The following MARCHF3 variants were observed in gnomAD, a reference collection of about 807,000 sequenced individuals.
MARCHF3 encodes E3 ubiquitin-protein ligase MARCHF3.
A neutral mutation model predicts 24.2 loss-of-function variants in MARCHF3; 13 were observed. That is an observed-to-expected ratio of 0.54 (90% CI 0.35 to 0.85). The LOEUF (loss-of-function observed/expected upper bound fraction) is 0.85. Ranked by LOEUF, MARCHF3 falls within the 40% of genes least tolerant of loss-of-function variation. The probability of loss-of-function intolerance (pLI) is 0.01; values close to 1 mark genes in which losing one functional copy is unlikely to be tolerated. For synonymous variants in MARCHF3, 144 were observed against 137.3 expected (o/e 1.05, Z -0.34); for missense variants, 276 against 325.0 (o/e 0.85, Z 1.16).
chr5:126,941,329 A>C (rs1749819607), intron 1 of MARCHF3, among the ~76,000 whole-genome samples: 1 of 152,180 alleles, frequency 6.6e-6, no homozygotes, highest in African/African-American at 2.4e-5. Flanking sequence ...GCTGCATTTT[A>C]GGGGCTTTCT....
chr5:126,913,905 C>T (rs1176248604), intron 3 of MARCHF3, among the ~76,000 whole-genome samples: 8 of 149,582 alleles, frequency 5.3e-5, no homozygotes, highest in Non-Finnish European at 5.9e-5. Flanking sequence ...ATCATAGATA[C>T]AATGTTTTGG....
At chr5:127,006,433 C>G (rs1220190927) in intron 1 of MARCHF3, among the ~76,000 whole-genome samples, 1 of 152,102 alleles carries the variant, frequency 6.6e-6, no homozygotes, top group African/African-American at 2.4e-5. Flanking sequence ...GCCATAAATT[C>G]ACACAGACTG....
intron 1 of MARCHF3, among the ~76,000 whole-genome samples, chr5:126,994,397 G>A (rs1305462711): frequency 6.6e-6 from 1 of 152,176 alleles, no homozygotes; most frequent in Non-Finnish European, 1.5e-5. Context: ...TAGGGGGTAG[G>A]GGGATGATGG....
At chr5:126,966,339 ATC>A (rs1245429394) in intron 1 of MARCHF3, among the ~76,000 whole-genome samples, 1 of 152,320 alleles carries the variant, frequency 6.6e-6, no homozygotes, top group African/African-American at 2.4e-5. Flanking sequence ...TGTAAATTAT[ATC>A]TCAATAAAGT....
chr5:126,942,573 C>CTA (rs1749866212), intron 1 of MARCHF3, among the ~76,000 whole-genome samples: 1 of 152,118 alleles, frequency 6.6e-6, no homozygotes, highest in Non-Finnish European at 1.5e-5. Context: ...AGAGAAATAA[C>CTA]TATACACCAG....
At chr5:126,882,172 TCTTC>T (rs1284331654) in intron 3 of MARCHF3, among the ~76,000 whole-genome samples, 1 of 152,268 alleles carries the variant, frequency 6.6e-6, no homozygotes, top group East Asian at 1.9e-4. Context: ...TCACATGTTC[TCTTC>T]CTTGTTTTCC....
At chr5:126,921,823 T>C (rs1434603399) in intron 1 of MARCHF3, among the ~76,000 whole-genome samples, 4 of 152,180 alleles carry the variant, frequency 2.6e-5, no homozygotes, top group Admixed American at 1.3e-4. Flanking sequence ...GAATAAAACA[T>C]GATTTGGCAC....
At position 126,951,035 on chromosome 5, in the gene MARCHF3, A is replaced by G. The variant is rs139317079; in HGVS notation, c.-56-32808T>C. On this transcript the variant is annotated intron_variant, in intron 1 of 4. Coordinates refer to ENST00000308660, the MANE Select transcript of MARCHF3 (RefSeq NM_178450.5). Reference sequence around the variant, plus strand: ...TCCCTTCTTTCTTACTCCCATTCCAATGAGGCTTCTGCCACCACCACTTCA... The same window carrying G: ...TCCCTTCTTTCTTACTCCCATTCCAGTGAGGCTTCTGCCACCACCACTTCA... Among the ~76,000 whole-genome samples the G allele has an allele frequency of 1.2e-3, 176 of 152,156 alleles. 1 individual carries two copies. In the Middle Eastern group the frequency reaches 0.014, roughly 12 times the overall value.
At chr5:126,971,972 T>A (rs971967741) in intron 1 of MARCHF3, among the ~76,000 whole-genome samples, 1 of 152,294 alleles carries the variant, frequency 6.6e-6, no homozygotes, top group African/African-American at 2.4e-5. Context: ...ATTAGAGCAA[T>A]TACTAATAAA....
chr5:126,869,416 C>A lies in MARCHF3; in HGVS notation c.*1217G>T, dbSNP rs1752886227. 1 of 152,114 alleles carries A rather than the reference C, an allele frequency of 6.6e-6. No individual in the cohort carries two copies. Among genetic ancestry groups the A allele is most frequent in the Admixed American group, 6.6e-5 (1 of 15,262 alleles). 9.4% of individuals were successfully genotyped at this position (152,114 alleles called of 1,614,324 possible). A position where few individuals can be genotyped will look rare whatever the true frequency, so the allele number is the denominator to read the frequency against. On this transcript the variant is annotated 3_prime_UTR_variant, in exon 5 of 5. Transcript: ENST00000308660. ...CGCACAATGCAGGCTGCGGATCAGA[C>A]CCTTTACACTGCGACGGATAAAAGA... is the stretch of plus-strand genomic sequence containing the variant.
Position 126,915,032 on chromosome 5 carries a change from A to G in MARCHF3, c.291T>C (p.His97=), listed in dbSNP as rs754483788. The G allele has an allele frequency of 3.7e-6, 6 of 1,614,080 alleles. No homozygotes were observed. Residue 97 remains histidine, a synonymous_variant, in exon 3 of 5, where the codon CAT becomes CAC. Transcript: ENST00000308660. ...ACAGCCAGTGCTCCAGGCAGCTCCGATGAATTGTCCCCAAGGTCCCTGTAC... is the reference window on the plus strand; with the variant it reads ...ACAGCCAGTGCTCCAGGCAGCTCCGGTGAATTGTCCCCAAGGTCCCTGTAC... ...CECTGTLGTI[H]RSCLEHWLSS... is the part of the protein sequence containing the mutation.
chr5:126,989,327 ACTACTACTAC>A (rs1218785659), intron 1 of MARCHF3, among the ~76,000 whole-genome samples: 15 of 149,330 alleles, frequency 1.0e-4, no homozygotes, highest in East Asian at 5.9e-4. Context: ...TACTACTACT[ACTACTACTAC>A]TAATAATAAT....
chr5:126,882,290 G>A (rs112341573), intron 3 of MARCHF3, among the ~76,000 whole-genome samples: 3,816 of 152,234 alleles, frequency 0.025, 67 homozygotes, highest in Admixed American at 0.042. Context: ...AAGTCCTGCC[G>A]TTTTATTGGG....
At chr5:126,997,082 G>A (rs1319880608) in intron 1 of MARCHF3, among the ~76,000 whole-genome samples, 1 of 152,214 alleles carries the variant, frequency 6.6e-6, no homozygotes, top group Non-Finnish European at 1.5e-5. Context: ...AATACTTACA[G>A]TACTTCCCAG....
At chr5:127,008,790 G>A (rs1224202865) in intron 1 of MARCHF3, among the ~76,000 whole-genome samples, 3 of 152,192 alleles carry the variant, frequency 2.0e-5, no homozygotes, top group East Asian at 1.9e-4. Flanking sequence ...GGCAGGCAAC[G>A]GGCCAGACAA....
intron 1 of MARCHF3, among the ~76,000 whole-genome samples, chr5:127,027,364 G>C (rs529700877): frequency 2.6e-5 from 4 of 152,160 alleles, no homozygotes; most frequent in Non-Finnish European, 4.4e-5. Context: ...ACCTCATATA[G>C]TCTGTAGTAG....
At chr5:127,018,493 G>A (rs1187467536) in intron 1 of MARCHF3, among the ~76,000 whole-genome samples, 4 of 152,200 alleles carry the variant, frequency 2.6e-5, no homozygotes, top group Admixed American at 2.6e-4. Context: ...CCTAACAGAT[G>A]AGATGGGGTA....
At chr5:126,922,014 G>A (rs780616258) in intron 1 of MARCHF3, among the ~76,000 whole-genome samples, 1 of 152,242 alleles carries the variant, frequency 6.6e-6, no homozygotes, top group Non-Finnish European at 1.5e-5. Flanking sequence ...ACAAAAGCAG[G>A]ACACCTAACC....
chr5:126,975,890 A>AG (rs1308821217), intron 1 of MARCHF3, among the ~76,000 whole-genome samples: 1 of 152,214 alleles, frequency 6.6e-6, no homozygotes, highest in Non-Finnish European at 1.5e-5. Context: ...ACTAGAAAAC[A>AG]GACCTCATTT....
Sources: gnomAD v4.1 joint callset for allele counts (sites outside exome capture counted in the v4.1 genomes callset) on GRCh38, gnomAD v4.1.1 for gene constraint, MANE v1.5 for transcripts, NCBI Gene and HGNC (gene_info 2026-07-23, HGNC 2026-07-21) for gene names.